Variants in NALF1 observed in about 807,000 individuals in gnomAD.
NALF1 encodes family with sequence similarity 155 member A.
In NALF1, 3 loss-of-function variants were observed where a neutral mutation model predicts 48.4. That is an observed-to-expected ratio of 0.06 (90% CI 0.03 to 0.16). NALF1 has a LOEUF of 0.16. Among genes scored for constraint, NALF1 ranks in the 10% least tolerant of loss-of-function variants. NALF1 has a pLI of 1.00. For missense variants in NALF1, 526 were observed against 571.5 expected, an observed-to-expected ratio of 0.92 and a Z score of 0.81; for synonymous variants, 262 against 245.7, an observed-to-expected ratio of 1.07 and a Z score of -0.62.
intron 1 of NALF1, among the ~76,000 whole-genome samples, chr13:107,470,142 A>T (rs766880366): frequency 3.9e-5 from 6 of 152,200 alleles, no homozygotes; most frequent in Admixed American, 1.3e-4. Context: ...AAAAAAATTT[A>T]AAAATGCTAG....
intron 1 of NALF1, 52 bp downstream of exon 1, chr13:107,865,630 C>G (rs1285376840): frequency 6.4e-7 from 1 of 1,569,402 alleles, no homozygotes; most frequent in East Asian, 2.3e-5. Context: ...ACACCCCAAC[C>G]AAGCAGAGAT....
At chr13:107,647,065 A>G (rs1272554928) in intron 1 of NALF1, among the ~76,000 whole-genome samples, 2 of 152,122 alleles carry the variant, frequency 1.3e-5, no homozygotes, top group African/African-American at 4.8e-5. Context: ...TTATAAATCA[A>G]AAGTTTGGAA....
chr13:107,295,262 T>C (rs1206698037), intron 1 of NALF1, among the ~76,000 whole-genome samples: 3 of 152,220 alleles, frequency 2.0e-5, no homozygotes, highest in African/African-American at 7.2e-5. Context: ...GTGTCTGCAT[T>C]AATTCACTTA....
intron 2 of NALF1, among the ~76,000 whole-genome samples, chr13:107,205,915 AG>A (rs1879629670): frequency 6.6e-6 from 1 of 151,968 alleles, no homozygotes; most frequent in East Asian, 2.0e-4. Context: ...CTCTGGAATG[AG>A]GCGAGGGAGT....
chr13:107,369,187 A>G (rs1465106425), intron 1 of NALF1, among the ~76,000 whole-genome samples: 1 of 152,220 alleles, frequency 6.6e-6, no homozygotes, highest in Non-Finnish European at 1.5e-5. Flanking sequence ...GGCATCACAC[A>G]TGTCCTCATC....
chr13:107,656,151 T>A lies in NALF1; in HGVS notation c.915+209531A>T, dbSNP rs868152789. Among the ~76,000 whole-genome samples, 572 of 148,792 alleles carry A rather than the reference T, an allele frequency of 3.8e-3. 4 individuals are homozygous for A. The highest frequency in any genetic ancestry group is 0.012 in the African/African-American group (500 of 40,604). ...AAGGCAAATGCAAAAAAAAAAAAGA[T>A]AAATAGATGGGACTTAACAAAACTA... On this transcript the variant is annotated intron_variant, in intron 1 of 2. Transcript: ENST00000375915.
intron 1 of NALF1, among the ~76,000 whole-genome samples, chr13:107,563,409 C>T (rs1877702076): frequency 6.6e-6 from 1 of 152,204 alleles, no homozygotes; most frequent in East Asian, 1.9e-4. Context: ...CTCAGAAAGG[C>T]AGCATCTCAG....
intron 1 of NALF1, among the ~76,000 whole-genome samples, chr13:107,249,258 G>T (rs1026716661): frequency 2.0e-5 from 3 of 152,090 alleles, no homozygotes; most frequent in Admixed American, 2.0e-4. Context: ...TTCAGTCACA[G>T]TTTTGTACTT....
intron 1 of NALF1, among the ~76,000 whole-genome samples, chr13:107,253,709 C>T (rs1351866627): frequency 6.6e-6 from 1 of 152,290 alleles, no homozygotes; most frequent in African/African-American, 2.4e-5. Context: ...TCCAGCCACA[C>T]GGGTCTTCTC....
intron 1 of NALF1, among the ~76,000 whole-genome samples, chr13:107,354,342 A>G (rs1882925646): frequency 6.6e-6 from 1 of 152,072 alleles, no homozygotes; most frequent in Non-Finnish European, 1.5e-5. Flanking sequence ...AGGAAAGGGT[A>G]AAGAATCAAA....
chr13:107,528,582 A>C (rs1345876335), intron 1 of NALF1, among the ~76,000 whole-genome samples: 1 of 152,158 alleles, frequency 6.6e-6, no homozygotes, highest in African/African-American at 2.4e-5. Context: ...GGTGTCAAGC[A>C]TCCGGCAGGC....
At chr13:107,859,914 C>CAAAAAAAAAAAAAAAAAA (rs778833499) in intron 1 of NALF1, among the ~76,000 whole-genome samples, 4 of 66,494 alleles carry the variant, frequency 6.0e-5, no homozygotes, top group Non-Finnish European at 1.2e-4. Context: ...AACTCCAACT[C>CAAAAAAAAAAAAAAAAAA]AAAAAAAAAA....
chr13:107,394,952 A>G lies in NALF1; in HGVS notation c.916-184197T>C, dbSNP rs77933267. Among the ~76,000 whole-genome samples the G allele has an allele frequency of 4.3e-4, 65 of 152,296 alleles. No homozygotes were observed. The East Asian group carries it at 0.011, about 26-fold the overall frequency. On this transcript the variant is annotated intron_variant, in intron 1 of 2. Coordinates refer to ENST00000375915, the MANE Select transcript of NALF1 (RefSeq NM_001080396.3). ...GAGATGTCACCAGTGGGGCCCTCCA[A>G]TGGGGACATCCAATGATATCCTGCT...
intron 1 of NALF1, among the ~76,000 whole-genome samples, chr13:107,499,208 T>C (rs16970322): frequency 0.077 from 11,783 of 152,140 alleles, 602 homozygotes; most frequent in African/African-American, 0.13. Flanking sequence ...TTTATTAATA[T>C]AGGACCTAAA....
intron 1 of NALF1, among the ~76,000 whole-genome samples, chr13:107,747,230 T>C (rs1876805446): frequency 6.6e-6 from 1 of 152,206 alleles, no homozygotes; most frequent in African/African-American, 2.4e-5. Context: ...CACAGCATTA[T>C]TTGCTATTCC....
intron 1 of NALF1, among the ~76,000 whole-genome samples, chr13:107,521,469 T>C (rs983637925): frequency 2.0e-5 from 3 of 152,232 alleles, no homozygotes; most frequent in Non-Finnish European, 2.9e-5. Context: ...CCTGATAAAA[T>C]GTTTTCTTTC....
intron 1 of NALF1, among the ~76,000 whole-genome samples, chr13:107,329,727 T>A (rs546629674): frequency 6.8e-6 from 1 of 147,384 alleles, no homozygotes; most frequent in Non-Finnish European, 1.5e-5. Flanking sequence ...CACTGTTCAA[T>A]TCCCACCTAT....
intron 2 of NALF1, among the ~76,000 whole-genome samples, chr13:107,179,671 T>TAAA (rs3071017): frequency 0.03 from 4,157 of 137,616 alleles, 231 homozygotes; most frequent in African/African-American, 0.11. Context: ...TTTTGAAAAC[T>TAAA]AAAAAAAAAA....
rs559575770 is a variant in NALF1 at position 107,283,498 on chromosome 13, G to T, written c.916-72743C>A. ...AATCGGTTAAAAAAATATGAGTGGC[G>T]CTTCAGGTTGCTCTTGCCTCACCTG... On this transcript the variant is annotated intron_variant, in intron 1 of 2. Transcript: ENST00000375915. Among the ~76,000 whole-genome samples, 49 of 152,072 alleles carry T rather than the reference G, an allele frequency of 3.2e-4. 1 individual carries two copies. The South Asian group carries it at 0.01, about 32-fold the overall frequency.
Sources: allele counts gnomAD v4.1 joint callset (sites outside exome capture counted in the v4.1 genomes callset), GRCh38; gene constraint gnomAD v4.1.1; transcripts MANE v1.5; gene names NCBI Gene and HGNC (gene_info 2026-07-23, HGNC 2026-07-21).